CERS6: variants seen among roughly 807,000 people sequenced by gnomAD.
The protein encoded by CERS6 is ceramide synthase 6.
In CERS6, 26 loss-of-function variants were observed where a neutral mutation model predicts 56.8. The ratio of observed to expected loss-of-function variants is 0.46; its 90% CI spans 0.34 to 0.63. The LOEUF (loss-of-function observed/expected upper bound fraction) is 0.63. Ranked by LOEUF, CERS6 falls within the 30% of genes least tolerant of loss-of-function variation. The probability of loss-of-function intolerance (pLI) is 0.01; values close to 1 mark genes in which losing one functional copy is unlikely to be tolerated. For synonymous variants in CERS6, 164 were observed against 173.3 expected (o/e 0.95, Z 0.42); for missense variants, 415 against 467.5 (o/e 0.89, Z 1.04).
At position 168,765,679 on chromosome 2, in the gene CERS6, A is replaced by G; in HGVS notation, c.933A>G (p.Val311=). 1.2e-6 allele frequency: 2 copies of G among 1,614,130 alleles called. No individual in the cohort carries two copies. The highest frequency in any genetic ancestry group is 8.5e-7 in the Non-Finnish European group (1 of 1,179,958). ...WWVFNLLLLL[V]QGLNCFWSYL... ...TTTTTAACCTACTGCTATTGCTAGTACAAGGGTTGAACTGCTTCTGGTCTT... is the reference window on the plus strand; with the variant it reads ...TTTTTAACCTACTGCTATTGCTAGTGCAAGGGTTGAACTGCTTCTGGTCTT... Residue 311 remains valine, a synonymous_variant, in exon 9 of 10, where the codon GTA becomes GTG. Coordinates refer to ENST00000305747, the MANE Select transcript of CERS6 (RefSeq NM_203463.3).
At chr2:168,545,629 T>C (rs1183007346) in intron 1 of CERS6, among the ~76,000 whole-genome samples, 2 of 152,180 alleles carry the variant, frequency 1.3e-5, no homozygotes, top group African/African-American at 2.4e-5. Context: ...GAATGTCTGC[T>C]AACTTGTCCT....
chr2:168,761,746 C>T lies in CERS6; in HGVS notation c.846-3846C>T, dbSNP rs111748571. 2.6e-5 allele frequency among the ~76,000 whole-genome samples: 4 copies of T among 152,182 alleles called. No homozygotes were observed. In the East Asian group the frequency reaches 5.8e-4, roughly 22 times the overall value. On this transcript the variant is annotated intron_variant, in intron 8 of 9. Transcript: ENST00000305747. ...AAGGTGTGTGAGTCCTCCCACACCA[C>T]CACAGAGTTGAGCCTTGTTGTCCCC...
intron 4 of CERS6, among the ~76,000 whole-genome samples, chr2:168,675,252 G>A (rs1023506338): frequency 9.9e-5 from 15 of 152,124 alleles, no homozygotes; most frequent in African/African-American, 2.2e-4. Context: ...GATTACAGGC[G>A]TGAGCCACCG....
intron 6 of CERS6, 116 bp from the exon 7 acceptor site, chr2:168,714,885 C>T (rs764377085): frequency 8.2e-6 from 7 of 853,044 alleles, no homozygotes; most frequent in Non-Finnish European, 1.3e-5. Flanking sequence ...ATACCTTATT[C>T]ATCCTCAGTG....
intron 3 of CERS6, among the ~76,000 whole-genome samples, chr2:168,562,231 G>T (rs1350584162): frequency 6.6e-6 from 1 of 152,126 alleles, no homozygotes; most frequent in Non-Finnish European, 1.5e-5. Context: ...TTTCAATTAT[G>T]TGAAAAAAGT....
At position 168,523,834 on chromosome 2, in the gene CERS6, G is replaced by A. The variant is rs745814327; in HGVS notation, c.171-23762G>A. Among the ~76,000 whole-genome samples the A allele has an allele frequency of 8.1e-4, 124 of 152,196 alleles. 3 individuals carry two copies. The highest frequency in any genetic ancestry group is 1.3e-4 in the Non-Finnish European group (9 of 68,038). On this transcript the variant is annotated intron_variant, in intron 1 of 9. Transcript: ENST00000305747. ...AAGACTGAAGCCCTGGGTTTGTATAGCAGGTGTCCTAGGAGAGTAATCAGT... is the reference window on the plus strand; with the variant it reads ...AAGACTGAAGCCCTGGGTTTGTATAACAGGTGTCCTAGGAGAGTAATCAGT...
intron 8 of CERS6, 107 bp downstream of exon 8, chr2:168,718,085 T>TG (rs774165673): frequency 5.1e-4 from 372 of 728,008 alleles, no homozygotes; most frequent in Non-Finnish European, 5.0e-4. Flanking sequence ...TTAAATATAT[T>TG]GGGGGGGAGG....
At chr2:168,701,951 T>C (rs1215420918) in intron 6 of CERS6, among the ~76,000 whole-genome samples, 1 of 152,200 alleles carries the variant, frequency 6.6e-6, no homozygotes, top group Non-Finnish European at 1.5e-5. Context: ...TAATACCTAA[T>C]GCCATGTAAA....
chr2:168,570,876 G>C (rs1189245802), intron 3 of CERS6, among the ~76,000 whole-genome samples: 1 of 152,118 alleles, frequency 6.6e-6, no homozygotes, highest in African/African-American at 2.4e-5. Context: ...CTCAGTGCTT[G>C]GTTCCCTTTC....
chr2:168,674,322 A>G (rs898872769), intron 4 of CERS6, among the ~76,000 whole-genome samples: 2 of 152,170 alleles, frequency 1.3e-5, no homozygotes, highest in African/African-American at 4.8e-5. Flanking sequence ...ATTAAGCTGT[A>G]TTATCTCAAA....
At chr2:168,560,462 A>G (rs1200144269) in intron 2 of CERS6, among the ~76,000 whole-genome samples, 1 of 152,206 alleles carries the variant, frequency 6.6e-6, no homozygotes, top group Non-Finnish European at 1.5e-5. Flanking sequence ...AGAGAGGTCA[A>G]TGGAGTGAGG....
At chr2:168,513,038 C>T (rs986218411) in intron 1 of CERS6, among the ~76,000 whole-genome samples, 9 of 152,108 alleles carry the variant, frequency 5.9e-5, no homozygotes, top group Non-Finnish European at 1.3e-4. Flanking sequence ...ATTCTGCAGT[C>T]TCTCCTCAAA....
At chr2:168,573,710 A>G (rs944502480) in intron 3 of CERS6, among the ~76,000 whole-genome samples, 2 of 152,002 alleles carry the variant, frequency 1.3e-5, no homozygotes, top group Non-Finnish European at 2.9e-5. Flanking sequence ...CAGATCTGTC[A>G]TGGAACCTTC....
intron 1 of CERS6, among the ~76,000 whole-genome samples, chr2:168,522,392 C>T (rs747239345): frequency 2.0e-5 from 3 of 152,156 alleles, no homozygotes; most frequent in African/African-American, 7.2e-5. Flanking sequence ...TAATGCTGAA[C>T]ATTAAAAATT....
chr2:168,580,956 A>C (rs777939243), intron 3 of CERS6, among the ~76,000 whole-genome samples: 40 of 151,982 alleles, frequency 2.6e-4, no homozygotes, highest in Non-Finnish European at 7.4e-5. Context: ...ATTGCAATTA[A>C]AAATATATGT....
chr2:168,593,633 A>G (rs542047160), intron 3 of CERS6, among the ~76,000 whole-genome samples: 12 of 152,294 alleles, frequency 7.9e-5, no homozygotes, highest in African/African-American at 2.9e-4. Context: ...CACTTGTTAT[A>G]AGCCGTTTAA....
intron 4 of CERS6, among the ~76,000 whole-genome samples, chr2:168,663,974 A>C (rs1171667722): frequency 6.6e-6 from 1 of 152,172 alleles, no homozygotes; most frequent in Non-Finnish European, 1.5e-5. Flanking sequence ...ACTATATAAA[A>C]ATGTTGCAAA....
chr2:168,726,899 T>G (rs188120853), intron 8 of CERS6, among the ~76,000 whole-genome samples: 16 of 152,350 alleles, frequency 1.1e-4, no homozygotes, highest in South Asian at 4.1e-4. Context: ...TATCCAATTA[T>G]GAGGCTTAAA....
intron 8 of CERS6, among the ~76,000 whole-genome samples, chr2:168,742,117 T>C (rs1400326734): frequency 6.6e-6 from 1 of 152,236 alleles, no homozygotes; most frequent in Non-Finnish European, 1.5e-5. Flanking sequence ...TGCAGTTTGC[T>C]TCAGTTCTGC....
Sources: gnomAD v4.1 joint callset for allele counts (sites outside exome capture counted in the v4.1 genomes callset) on GRCh38, gnomAD v4.1.1 for gene constraint, MANE v1.5 for transcripts, NCBI Gene and HGNC (gene_info 2026-07-23, HGNC 2026-07-21) for gene names.